WSCD2: variants seen among roughly 807,000 people sequenced by gnomAD.
WSCD2 encodes WSC domain sialate O sulfotransferase 2, also known as sialate:O-sulfotransferase 2.
Under a neutral mutation model 55.7 loss-of-function variants are expected in WSCD2, and 28 were observed. That is an observed-to-expected ratio of 0.50 (90% confidence interval 0.37 to 0.69). The LOEUF (loss-of-function observed/expected upper bound fraction) is 0.69. Among genes scored for constraint, WSCD2 ranks in the 30% least tolerant of loss-of-function variants. The pLI, the probability that WSCD2 is intolerant of heterozygous loss-of-function variation, is 0.00. For missense variants in WSCD2, 616 were observed against 762.1 expected (o/e 0.81, Z 2.26); for synonymous variants, 301 against 301.9 (o/e 1.00, Z 0.03).
chr12:108,235,827 G>A (rs1391657336), intron 7 of WSCD2, among the ~76,000 whole-genome samples: 1 of 152,090 alleles, frequency 6.6e-6, no homozygotes, highest in Non-Finnish European at 1.5e-5. Context: ...CGCAGCCTGA[G>A]CCCTTGCAGT....
At chr12:108,146,227 T>C (rs957736531) in intron 1 of WSCD2, among the ~76,000 whole-genome samples, 5 of 152,252 alleles carry the variant, frequency 3.3e-5, no homozygotes, top group Admixed American at 1.3e-4. Context: ...ATAATTATCT[T>C]TGGGGGCCCC....
chr12:108,248,967 C>A lies in WSCD2; in HGVS notation c.*624C>A. ...GGTTAATTGGAGACACCATGTGGGG[C>A]CATTGGTGTTATGAGCCCCCCAGGC... On this transcript the variant is annotated 3_prime_UTR_variant, in exon 9 of 9. Coordinates refer to ENST00000547525, the MANE Select transcript of WSCD2 (RefSeq NM_014653.4). This position sits in a 1 kb window ranked among gnomAD's most constrained non-coding sequence, Gnocchi z 4.3. 1 of 968,738 alleles carries A rather than the reference C, an allele frequency of 1.0e-6. No homozygotes were observed. The highest frequency in any genetic ancestry group is 1.2e-6 in the Non-Finnish European group (1 of 814,356). 60.0% of individuals were successfully genotyped at this position (968,738 alleles called of 1,614,324 possible).
chr12:108,209,111 G>A (rs1245451692), intron 3 of WSCD2, among the ~76,000 whole-genome samples: 2 of 152,162 alleles, frequency 1.3e-5, no homozygotes, highest in Non-Finnish European at 2.9e-5. Flanking sequence ...CTTTTCATTT[G>A]TTTACAGAGT....
chr12:108,203,440 T>C (rs971459744), intron 2 of WSCD2, among the ~76,000 whole-genome samples: 5 of 152,186 alleles, frequency 3.3e-5, no homozygotes, highest in African/African-American at 2.4e-5. Flanking sequence ...AGCTTTACTC[T>C]ATCAGAATGC....
chr12:108,154,263 G>A (rs1878311138), intron 1 of WSCD2, among the ~76,000 whole-genome samples: 1 of 152,194 alleles, frequency 6.6e-6, no homozygotes, highest in Non-Finnish European at 1.5e-5. Context: ...GTCTCACCAG[G>A]TTGGCATGAC....
At chr12:108,198,551 CATT>C in intron 2 of WSCD2, among the ~76,000 whole-genome samples, 1 of 152,336 alleles carries the variant, frequency 6.6e-6, no homozygotes, top group African/African-American at 2.4e-5. Flanking sequence ...CAACGTCTCT[CATT>C]TGTTGTGAGA....
chr12:108,156,849 T>C lies in WSCD2; in HGVS notation c.-552+26923T>C, dbSNP rs1234317547. On this transcript the variant is annotated intron_variant, in intron 1 of 8. Coordinates refer to ENST00000547525, the MANE Select transcript of WSCD2 (RefSeq NM_014653.4). ...CCATCCAGCATGTTTCCTCTAAGTC[T>C]AGAAACTCTGCTATTCTGAGCCAAG... 1.3e-5 allele frequency among the ~76,000 whole-genome samples: 2 copies of C among 152,210 alleles called. 1 individual carries two copies. Among genetic ancestry groups the C allele is most frequent in the Admixed American group, 1.3e-4 (2 of 15,292 alleles).
chr12:108,136,021 T>G (rs1406938848), intron 1 of WSCD2, among the ~76,000 whole-genome samples: 1 of 152,192 alleles, frequency 6.6e-6, no homozygotes, highest in Non-Finnish European at 1.5e-5. Flanking sequence ...GGTCCTGAGC[T>G]TTGGACTAGG....
At position 108,195,763 on chromosome 12, in the gene WSCD2, C is replaced by G. The variant is rs554064279; in HGVS notation, c.-70C>G. 205 of 1,525,146 alleles carry G rather than the reference C, an allele frequency of 1.3e-4. No individual in the cohort carries two copies. The African/African-American group carries it at 2.6e-3, about 19-fold the overall frequency. 94.5% of individuals were successfully genotyped at this position (1,525,146 alleles called of 1,614,324 possible). A position where few individuals can be genotyped will look rare whatever the true frequency, so the allele number is the denominator to read the frequency against. On this transcript the variant is annotated 5_prime_UTR_variant, in exon 2 of 9. Transcript: ENST00000547525. Reference sequence around the variant, plus strand: ...CCATCCCTAAGGAAAGCTTGGGAAACCAAGCCCCTTCCATCCTCTCCCAAG... The same window carrying G: ...CCATCCCTAAGGAAAGCTTGGGAAAGCAAGCCCCTTCCATCCTCTCCCAAG...
intron 1 of WSCD2, among the ~76,000 whole-genome samples, chr12:108,152,397 G>A (rs1878097774): frequency 6.6e-6 from 1 of 152,200 alleles, no homozygotes; most frequent in Non-Finnish European, 1.5e-5. Flanking sequence ...CAGGACATGT[G>A]CGCTGGGCTC....
At chr12:108,182,396 T>G (rs975633470) in intron 1 of WSCD2, among the ~76,000 whole-genome samples, 1 of 152,152 alleles carries the variant, frequency 6.6e-6, no homozygotes, top group Admixed American at 6.5e-5. Flanking sequence ...TCTTAGGAGC[T>G]TAGAAAAAAA....
chr12:108,240,566 GA>G (rs764172691), intron 8 of WSCD2, 22 bp downstream of exon 8: 2 of 1,505,560 alleles, frequency 1.3e-6, no homozygotes, highest in Non-Finnish European at 1.8e-6. Context: ...GAGAGGAGGG[GA>G]GGGGAGGGGA....
chr12:108,229,475 C>G (rs1888501076), intron 6 of WSCD2, among the ~76,000 whole-genome samples: 1 of 152,198 alleles, frequency 6.6e-6, no homozygotes, highest in Non-Finnish European at 1.5e-5. Flanking sequence ...ACTGTCAACC[C>G]TAGCTTCTCA....
Position 108,248,210 on chromosome 12 carries a change from G to C in WSCD2, c.1565G>C (p.Gly522Ala), listed in dbSNP as rs1361382885. 1 of 1,614,212 alleles carries C rather than the reference G, an allele frequency of 6.2e-7. No individual in the cohort carries two copies. The highest frequency in any genetic ancestry group is 2.2e-5 in the East Asian group (1 of 44,880). The change falls in exon 9 of 9, where the codon GGG becomes GCG. Residue 522 changes from glycine (G) to alanine (A), a missense_variant. Transcript: ENST00000547525. The surrounding 1 kb of genome is among the most constrained non-coding windows in gnomAD (Gnocchi z 4.3). ...AAGGATGGCAACTTCAAGCGCTCAG[G>C]GCTCCGGAAGCTCGAGTATGACCCC... Reference protein sequence around the residue: ...SQKDGNFKRSGLRKLEYDPYT... With the variant: ...SQKDGNFKRSALRKLEYDPYT...
At chr12:108,130,875 G>A (rs1306377655) in intron 1 of WSCD2, among the ~76,000 whole-genome samples, 1 of 152,126 alleles carries the variant, frequency 6.6e-6, no homozygotes, top group Non-Finnish European at 1.5e-5. Flanking sequence ...CCCATGCACA[G>A]CTCATAAGTT....
chr12:108,201,965 G>C (rs1245086273), intron 2 of WSCD2, among the ~76,000 whole-genome samples: 1 of 152,172 alleles, frequency 6.6e-6, no homozygotes, highest in Non-Finnish European at 1.5e-5. Context: ...GTGGAGATGA[G>C]CTGATAGATT....
intron 1 of WSCD2, among the ~76,000 whole-genome samples, chr12:108,132,721 A>G (rs7952849): frequency 0.22 from 34,165 of 152,074 alleles, 4,012 homozygotes; most frequent in African/African-American, 0.27. Context: ...TTAAGAAGCT[A>G]TACTCTCTGC....
At position 108,221,176 on chromosome 12, in the gene WSCD2, G is replaced by A. The variant is rs75419333; in HGVS notation, c.683-3563G>A. On this transcript the variant is annotated intron_variant, in intron 4 of 8. Transcript: ENST00000547525. ...TGCCCGGTGACCTGAGTTAGCATCCGGCTGACTGAGTTTTCTGGTTAAGTG... is the reference window on the plus strand; with the variant it reads ...TGCCCGGTGACCTGAGTTAGCATCCAGCTGACTGAGTTTTCTGGTTAAGTG... 1.2e-3 allele frequency among the ~76,000 whole-genome samples: 183 copies of A among 152,208 alleles called. 3 individuals carry two copies. The East Asian group carries it at 0.032, about 27-fold the overall frequency.
chr12:108,162,051 G>A (rs929680557), intron 1 of WSCD2, among the ~76,000 whole-genome samples: 2 of 152,130 alleles, frequency 1.3e-5, no homozygotes, highest in Non-Finnish European at 2.9e-5. Context: ...GGAAGAAGTC[G>A]CTTGCCCAAC....
Sources: gnomAD v4.1 joint callset for allele counts (sites outside exome capture counted in the v4.1 genomes callset) on GRCh38, gnomAD v4.1.1 for gene constraint, Gnocchi (gnomAD v3.1) non-coding constraint, MANE v1.5 for transcripts, NCBI Gene and HGNC (gene_info 2026-07-23, HGNC 2026-07-21) for gene names.